CD86: variants seen among roughly 807,000 people sequenced by gnomAD.
The protein encoded by CD86 is T-lymphocyte activation antigen CD86.
CD86 carries 11 observed loss-of-function variants against 32.1 expected under a neutral mutation model. The observed-to-expected ratio is 0.34, with a 90% CI of 0.22 to 0.57. The LOEUF (loss-of-function observed/expected upper bound fraction) is 0.57. Among genes scored for constraint, CD86 ranks in the 20% least tolerant of loss-of-function variants. The pLI is 0.86. For synonymous variants in CD86, 137 were observed against 135.3 expected (o/e 1.01, Z -0.09); for missense variants, 359 against 398.4 (o/e 0.90, Z 0.84).
At chr3:122,094,385 C>A (rs757090544) in intron 2 of CD86, among the ~76,000 whole-genome samples, 1 of 152,042 alleles carries the variant, frequency 6.6e-6, no homozygotes, top group Admixed American at 6.5e-5. Context: ...AAATGGTAAC[C>A]GTTTAAGTTT....
intron 5 of CD86, among the ~76,000 whole-genome samples, chr3:122,116,132 C>A (rs1244593721): frequency 6.6e-6 from 1 of 152,058 alleles, no homozygotes; most frequent in Non-Finnish European, 1.5e-5. Context: ...AAAACCATAT[C>A]ATAAAAAGAT....
chr3:122,106,474 G>A lies in CD86; in HGVS notation c.677G>A (p.Arg226Gln), dbSNP rs772981720. Residue 226 changes from arginine to glutamine, a missense_variant, in exon 4 of 7, where the codon CGG becomes CAG. Transcript: ENST00000330540. Reference sequence around the variant, plus strand: ...TGTATTCTGGAAACTGACAAGACGCGGCTTTTATCTTCACCTTTCTCTATA... The same window carrying A: ...TGTATTCTGGAAACTGACAAGACGCAGCTTTTATCTTCACCTTTCTCTATA... ...IFCILETDKT[R>Q]LLSSPFSIEL... is the part of the protein sequence containing the mutation. 89 of 1,610,176 alleles carry A rather than the reference G, an allele frequency of 5.5e-5. No homozygotes were observed. Among genetic ancestry groups the A allele is most frequent in the Non-Finnish European group, 6.9e-5 (81 of 1,177,764 alleles).
intron 3 of CD86, among the ~76,000 whole-genome samples, chr3:122,105,869 C>T (rs1433228218): frequency 6.6e-6 from 1 of 152,098 alleles, no homozygotes; most frequent in African/African-American, 2.4e-5. Context: ...TAGAGTCAGA[C>T]CACTTCTCCT....
intron 1 of CD86, among the ~76,000 whole-genome samples, chr3:122,072,373 A>G (rs1322596357): frequency 6.6e-6 from 1 of 151,634 alleles, no homozygotes; most frequent in African/African-American, 2.4e-5. Context: ...CTATTTCTCC[A>G]CATTCTCTCC....
At chr3:122,067,678 A>G (rs1376282562) in intron 1 of CD86, among the ~76,000 whole-genome samples, 1 of 152,234 alleles carries the variant, frequency 6.6e-6, no homozygotes, top group African/African-American at 2.4e-5. Context: ...TCCTCACATT[A>G]AAACTGTAGC....
chr3:122,086,303 A>G (rs2072718706), intron 1 of CD86, among the ~76,000 whole-genome samples: 1 of 152,134 alleles, frequency 6.6e-6, no homozygotes, highest in Admixed American at 6.6e-5. Flanking sequence ...GTTGTGAAAT[A>G]AGTCTTTTTC....
chr3:122,101,247 G>C (rs1333506630), intron 2 of CD86, among the ~76,000 whole-genome samples: 1 of 151,948 alleles, frequency 6.6e-6, no homozygotes, highest in African/African-American at 2.4e-5. Flanking sequence ...TGTTAAAATG[G>C]AGGTTCTGAA....
At chr3:122,062,979 T>C (rs1294201134) in intron 1 of CD86, among the ~76,000 whole-genome samples, 1 of 152,126 alleles carries the variant, frequency 6.6e-6, no homozygotes. Flanking sequence ...CTCCTAACTA[T>C]AGATAAGAGA....
At chr3:122,118,116 T>A in intron 6 of CD86, 23 bp downstream of exon 6, 3 of 1,443,638 alleles carry the variant, frequency 2.1e-6, no homozygotes, top group Non-Finnish European at 2.7e-6. Flanking sequence ...CCTGAGACAT[T>A]GATGAGAGAG....
At chr3:122,105,098 C>T (rs1313458408) in intron 3 of CD86, among the ~76,000 whole-genome samples, 2 of 152,194 alleles carry the variant, frequency 1.3e-5, no homozygotes, top group Non-Finnish European at 2.9e-5. Flanking sequence ...GGCTGCAGGG[C>T]TTTAGGAATA....
chr3:122,118,076 T>C lies in CD86; in HGVS notation c.876T>C (p.Ser292=). Residue 292 remains serine, a synonymous_variant, in exon 6 of 7, where the codon AGT becomes AGC. Transcript: ENST00000330540. ...CCAACACAATGGAGAGGGAAGAGAG[T>C]GAACAGACCAAGAAAAGGTAAATCC... ...CGTNTMEREE[S]EQTKKREKIH... The C allele has an allele frequency of 6.2e-7, 1 of 1,612,542 alleles. No homozygotes were observed. Among genetic ancestry groups the C allele is most frequent in the Non-Finnish European group, 8.5e-7 (1 of 1,179,374 alleles).
intron 1 of CD86, among the ~76,000 whole-genome samples, chr3:122,084,757 G>A (rs1001766583): frequency 3.3e-5 from 5 of 152,130 alleles, no homozygotes; most frequent in Admixed American, 6.5e-5. Context: ...CCAAGCTCTC[G>A]AAGTCCCAGA....
chr3:122,056,914 T>C (rs2072246398), intron 1 of CD86, among the ~76,000 whole-genome samples: 1 of 152,208 alleles, frequency 6.6e-6, no homozygotes, highest in African/African-American at 2.4e-5. Flanking sequence ...TAGGCTGCTG[T>C]CTATATTGAA....
At chr3:122,103,904 T>G in intron 3 of CD86, 57 bp downstream of exon 3, 1 of 1,412,872 alleles carries the variant, frequency 7.1e-7, no homozygotes, top group Non-Finnish European at 9.8e-7. Context: ...AGACTGCAAA[T>G]GAGTTAGAAA....
rs373791148 is a variant in CD86, at chr3:122,094,829, G to A, written c.64+3179G>A. The stretch of plus-strand genomic sequence containing the variant: ...TTGGATGGGAGTTTAAGACTGAAAC[G>A]GGCACCTGTGGCCTTGCAGAATTAG... On this transcript the variant is annotated intron_variant, in intron 2 of 6. Coordinates refer to ENST00000330540, the MANE Select transcript of CD86 (RefSeq NM_175862.5). Among the ~76,000 whole-genome samples, 225 of 152,276 alleles carry A rather than the reference G, an allele frequency of 1.5e-3. 1 individual carries two copies. The South Asian group carries it at 0.017, about 12-fold the overall frequency.
intron 6 of CD86, 122 bp from the exon 7 acceptor site, chr3:122,119,315 AT>A: frequency 2.9e-6 from 2 of 683,678 alleles, no homozygotes; most frequent in East Asian, 5.5e-5. Context: ...TTTCTCTTCA[AT>A]AGTTTGTTTC....
chr3:122,083,883 C>T (rs1440698539), intron 1 of CD86, among the ~76,000 whole-genome samples: 1 of 152,204 alleles, frequency 6.6e-6, no homozygotes, highest in African/African-American at 2.4e-5. Flanking sequence ...CATCAGATAA[C>T]ATAAAATGTC....
At chr3:122,056,593 A>T (rs1445621444) in intron 1 of CD86, among the ~76,000 whole-genome samples, 1 of 152,150 alleles carries the variant, frequency 6.6e-6, no homozygotes, top group East Asian at 1.9e-4. Flanking sequence ...CGGCCTCCCA[A>T]AGTGCTGGGA....
Position 122,103,658 on chromosome 3 carries a change from G to C in CD86, c.211G>C (p.Gly71Arg). Residue 71 changes from glycine to arginine, a missense_variant, in exon 3 of 7, where the codon GGC (glycine) becomes CGC (arginine). By Grantham distance (125) the Gly-to-Arg change is moderately radical. Coordinates refer to ENST00000330540, the MANE Select transcript of CD86 (RefSeq NM_175862.5). ...CTTGGTTCTGAATGAGGTATACTTA[G>C]GCAAAGAGAAATTTGACAGTGTTCA... ...ENLVLNEVYLGKEKFDSVHSK... is the reference protein window; with the variant it reads ...ENLVLNEVYLRKEKFDSVHSK... The C allele has an allele frequency of 6.2e-7, 1 of 1,614,052 alleles. No individual in the cohort carries two copies. Among genetic ancestry groups the C allele is most frequent in the Non-Finnish European group, 8.5e-7 (1 of 1,179,948 alleles).
Sources: allele counts gnomAD v4.1 joint callset (sites outside exome capture counted in the v4.1 genomes callset), GRCh38; gene constraint gnomAD v4.1.1; transcripts MANE v1.5; gene names NCBI Gene and HGNC (gene_info 2026-07-23, HGNC 2026-07-21).